ZNF473: variants seen among roughly 807,000 people sequenced by gnomAD.
The protein encoded by ZNF473 is zinc finger protein 100 homolog.
A neutral mutation model predicts 11.1 loss-of-function variants in ZNF473; 4 were observed. That is an observed-to-expected ratio of 0.36 (90% CI 0.18 to 0.82). The LOEUF is 0.82. ZNF473 is among the 40% of genes least tolerant of loss of function. The pLI is 0.49. For missense variants in ZNF473, 854 were observed against 1,084.0 expected (o/e 0.79, Z 2.98); for synonymous variants, 404 against 390.4 (o/e 1.03, Z -0.41).
At chr19:50,034,920 C>T (rs2077337017) in intron 2 of ZNF473, among the ~76,000 whole-genome samples, 1 of 152,270 alleles carries the variant, frequency 6.6e-6, no homozygotes, top group Admixed American at 6.5e-5. Context: ...ATGCTTTCTG[C>T]CTTATCACCT....
chr19:50,041,858 C>A, intron 4 of ZNF473, 39 bp downstream of exon 4: 1 of 1,525,642 alleles, frequency 6.6e-7, no homozygotes, highest in South Asian at 1.2e-5. Context: ...TACCTTCTGT[C>A]TTCCAGACCT....
At chr19:50,038,501 C>T (rs1231740445) in intron 2 of ZNF473, among the ~76,000 whole-genome samples, 1 of 152,142 alleles carries the variant, frequency 6.6e-6, no homozygotes, top group East Asian at 1.9e-4. Context: ...CCAGGTGACA[C>T]TGCATGGAAG....
chr19:50,035,836 G>A (rs966651498), intron 2 of ZNF473, among the ~76,000 whole-genome samples: 3 of 152,092 alleles, frequency 2.0e-5, no homozygotes, highest in African/African-American at 7.2e-5. Context: ...ATTTGAACTG[G>A]GACCTGTCTG....
rs1400571318 is a variant in ZNF473, at chr19:50,045,537, A to G, written c.1094A>G (p.His365Arg). Reference protein sequence around the residue: ...TFNLRKHLIQHQKTHAAKTTS... With the variant: ...TFNLRKHLIQRQKTHAAKTTS... ...AACTTGAGAAAACACCTCATCCAACATCAGAAAACTCACGCTGCAAAAACT... is the reference window on the plus strand; with the variant it reads ...AACTTGAGAAAACACCTCATCCAACGTCAGAAAACTCACGCTGCAAAAACT... The change falls in exon 5 of 5, where the codon CAT (histidine) becomes CGT (arginine). Residue 365 changes from histidine (H) to arginine (R), a missense_variant. Physicochemically the swap from His to Arg is conservative, Grantham distance 29. This residue lies in a region of ZNF473 where 668 missense variants were observed against 790.2 expected (regional missense o/e 0.85). Transcript: ENST00000270617. 1.9e-6 allele frequency: 3 copies of G among 1,614,122 alleles called. No homozygotes were observed. The highest frequency in any genetic ancestry group is 2.5e-6 in the Non-Finnish European group (3 of 1,180,054).
rs1326867163 is a variant in ZNF473 at position 50,048,596 on chromosome 19, C to T, written c.*1537C>T. ...GTCGGGGAGATGGGCATGTTGTATACCAAAAGAGTGTACAAAGTGTTGCAG... is the reference window on the plus strand; with the variant it reads ...GTCGGGGAGATGGGCATGTTGTATATCAAAAGAGTGTACAAAGTGTTGCAG... On this transcript the variant is annotated 3_prime_UTR_variant, in exon 5 of 5. Transcript: ENST00000270617. 2 of 152,186 alleles carry T rather than the reference C, an allele frequency of 1.3e-5. No individual in the cohort carries two copies. The highest frequency in any genetic ancestry group is 2.1e-4 in the South Asian group (1 of 4,828). 9.4% of individuals were successfully genotyped at this position (152,186 alleles called of 1,614,324 possible).
chr19:50,029,397 T>C (rs1227579348), intron 1 of ZNF473, among the ~76,000 whole-genome samples: 2 of 152,196 alleles, frequency 1.3e-5, no homozygotes, highest in Non-Finnish European at 2.9e-5. Flanking sequence ...CCGCCTGCCT[T>C]GGCCTCCCAA....
intron 1 of ZNF473, among the ~76,000 whole-genome samples, chr19:50,030,669 G>A (rs948268855): frequency 3.3e-5 from 5 of 152,190 alleles, no homozygotes; most frequent in African/African-American, 7.2e-5. Context: ...CACCTACTGC[G>A]TACTAGGCAC....
chr19:50,032,338 C>T (rs1256656062), intron 2 of ZNF473, among the ~76,000 whole-genome samples: 2 of 151,698 alleles, frequency 1.3e-5, no homozygotes, highest in Non-Finnish European at 2.9e-5. Flanking sequence ...CTTACGCAGT[C>T]AGGAGACTAT....
intron 2 of ZNF473, among the ~76,000 whole-genome samples, chr19:50,035,767 G>C (rs1222714219): frequency 2.0e-5 from 3 of 152,078 alleles, no homozygotes; most frequent in Non-Finnish European, 4.4e-5. Context: ...GAAGAGGCAG[G>C]CTGAGCATTA....
chr19:50,035,844 CT>C (rs1202982491), intron 2 of ZNF473, among the ~76,000 whole-genome samples: 1 of 152,186 alleles, frequency 6.6e-6, no homozygotes, highest in Non-Finnish European at 1.5e-5. Flanking sequence ...TGGGACCTGT[CT>C]GACTCTAAAG....
intron 2 of ZNF473, among the ~76,000 whole-genome samples, chr19:50,037,747 G>A (rs1196221780): frequency 1.3e-5 from 2 of 151,932 alleles, no homozygotes; most frequent in Admixed American, 6.6e-5. Flanking sequence ...CTTGAGCCCA[G>A]GAGGTGGAGG....
chr19:50,042,103 A>C, intron 4 of ZNF473: 1 of 234,916 alleles, frequency 4.3e-6, no homozygotes, highest in South Asian at 9.3e-5. Context: ...CAACAAGGGT[A>C]CGCCCTCCAC....
chr19:50,038,194 TTTATAAATTA>T (rs1271099104), intron 2 of ZNF473, among the ~76,000 whole-genome samples: 1 of 132,666 alleles, frequency 7.5e-6, no homozygotes, highest in Non-Finnish European at 1.5e-5. Context: ...AATTTATAAA[TTTATAAATTA>T]TATATATAAT....
At position 50,030,899 on chromosome 19, in the gene ZNF473, C is replaced by A. The variant is rs1568833261; in HGVS notation, c.-184C>A. 1.3e-6 allele frequency: 1 copy of A among 769,838 alleles called. No homozygotes were observed. Among genetic ancestry groups the A allele is most frequent in the South Asian group, 1.7e-5 (1 of 60,048 alleles). 47.7% of individuals were successfully genotyped at this position (769,838 alleles called of 1,614,324 possible). A position where few individuals can be genotyped will look rare whatever the true frequency, so the allele number is the denominator to read the frequency against. On this transcript the variant is annotated 5_prime_UTR_variant, in exon 2 of 5. Coordinates refer to ENST00000270617, the MANE Select transcript of ZNF473 (RefSeq NM_015428.4). ...TGTTGTTGTCCCCTGCAGGGAGACT[C>A]ACATTGGGACTTGTCCTCCTCCTCC...
At position 50,048,325 on chromosome 19, in the gene ZNF473, A is replaced by G. The variant is rs1327442890; in HGVS notation, c.*1266A>G. On this transcript the variant is annotated 3_prime_UTR_variant, in exon 5 of 5. Coordinates refer to ENST00000270617, the MANE Select transcript of ZNF473 (RefSeq NM_015428.4). ...ACCTTTGCTGAAACACAGTAGTCTT[A>G]TGAAAAGCACTGGACACATACTTTG... is the stretch of plus-strand genomic sequence containing the variant. The G allele has an allele frequency of 1.3e-5, 2 of 152,236 alleles. No individual in the cohort carries two copies. The highest frequency in any genetic ancestry group is 1.9e-4 in the East Asian group (1 of 5,202). 9.4% of individuals were successfully genotyped at this position (152,236 alleles called of 1,614,324 possible). A position where few individuals can be genotyped will look rare whatever the true frequency, so the allele number is the denominator to read the frequency against.
intron 2 of ZNF473, among the ~76,000 whole-genome samples, chr19:50,034,195 C>T (rs899632000): frequency 2.6e-5 from 4 of 152,136 alleles, no homozygotes; most frequent in Non-Finnish European, 1.5e-5. Flanking sequence ...TCACACCCTC[C>T]ATGTTATTCG....
chr19:50,031,392 A>G (rs533073042), intron 2 of ZNF473, among the ~76,000 whole-genome samples: 1 of 152,114 alleles, frequency 6.6e-6, no homozygotes, highest in South Asian at 2.1e-4. Context: ...CCCTCTTTGC[A>G]CCATCTTCTG....
At chr19:50,031,983 C>T (rs555664819) in intron 2 of ZNF473, among the ~76,000 whole-genome samples, 25 of 152,046 alleles carry the variant, frequency 1.6e-4, no homozygotes, top group Non-Finnish European at 2.5e-4. Flanking sequence ...TCCTACCTCC[C>T]TCGTGTCTCT....
Position 50,039,375 on chromosome 19 carries a change from C to A in ZNF473, c.136+88C>A. ...TACCACCCACAGGGTGAAGTCCTGG[C>A]TCCTGGGCTCCTCAGAATCAGCATG... On this transcript the variant is annotated intron_variant, in intron 3 of 4. Coordinates refer to ENST00000270617, the MANE Select transcript of ZNF473 (RefSeq NM_015428.4). The surrounding 1 kb of genome is among the most constrained non-coding windows in gnomAD (Gnocchi z 4.8). 6.5e-7 allele frequency: 1 copy of A among 1,532,408 alleles called. No homozygotes were observed. The highest frequency in any genetic ancestry group is 8.9e-7 in the Non-Finnish European group (1 of 1,127,166). 94.9% of individuals were successfully genotyped at this position (1,532,408 alleles called of 1,614,324 possible). A position where few individuals can be genotyped will look rare whatever the true frequency, so the allele number is the denominator to read the frequency against.
Sources: gnomAD v4.1 joint callset for allele counts (sites outside exome capture counted in the v4.1 genomes callset) on GRCh38, gnomAD v4.1.1 for gene constraint, gnomAD v4.1.1 regional missense constraint, Gnocchi (gnomAD v3.1) non-coding constraint, MANE v1.5 for transcripts, NCBI Gene and HGNC (gene_info 2026-07-23, HGNC 2026-07-21) for gene names.